ZZZ3: variants seen among roughly 807,000 people sequenced by gnomAD.
The protein encoded by ZZZ3 is ZZ-type zinc finger-containing protein 3.
Under a neutral mutation model 95.2 loss-of-function variants are expected in ZZZ3, and 22 were observed. The ratio of observed to expected loss-of-function variants is 0.23; its 90% CI spans 0.17 to 0.33. The LOEUF (loss-of-function observed/expected upper bound fraction) is 0.33, where lower values mean the gene tolerates loss of function less well. Ranked by LOEUF, ZZZ3 falls within the 10% of genes least tolerant of loss-of-function variation. ZZZ3 has a pLI of 1.00. For missense variants in ZZZ3, 885 were observed against 1,066.5 expected (o/e 0.83, Z 2.37); for synonymous variants, 335 against 358.9 (o/e 0.93, Z 0.75).
chr1:77,576,330 C>G, intron 11 of ZZZ3, 110 bp from the exon 12 acceptor site: 1 of 906,980 alleles, frequency 1.1e-6, no homozygotes, highest in Non-Finnish European at 1.6e-6. Context: ...GAATTTCACT[C>G]TATCCTTTAG....
At chr1:77,570,811 A>G (rs921137970) in intron 12 of ZZZ3, among the ~76,000 whole-genome samples, 3 of 146,198 alleles carry the variant, frequency 2.1e-5, no homozygotes, top group Non-Finnish European at 4.5e-5. Flanking sequence ...ACAGGCGCAC[A>G]CCACCAAGCC....
intron 14 of ZZZ3, 67 bp downstream of exon 14, chr1:77,566,014 A>C: frequency 1.5e-6 from 2 of 1,327,662 alleles, no homozygotes; most frequent in Admixed American, 4.6e-5. Context: ...TGGAAATCAA[A>C]TTCACTAATG....
chr1:77,658,123 G>A (rs1670440647), intron 1 of ZZZ3, among the ~76,000 whole-genome samples: 1 of 146,758 alleles, frequency 6.8e-6, no homozygotes, highest in Admixed American at 7.0e-5. Context: ...AGGTTGCGGC[G>A]AGCTGAGATT....
At chr1:77,653,506 C>G (rs1168144603) in intron 1 of ZZZ3, among the ~76,000 whole-genome samples, 1 of 152,146 alleles carries the variant, frequency 6.6e-6, no homozygotes, top group African/African-American at 2.4e-5. Flanking sequence ...GTAATCCCAA[C>G]ACTTTGTGAG....
chr1:77,612,358 C>T (rs1312835983), intron 5 of ZZZ3, among the ~76,000 whole-genome samples: 2 of 151,940 alleles, frequency 1.3e-5, no homozygotes, highest in African/African-American at 2.4e-5. Flanking sequence ...TAGATTGATA[C>T]AACCATTATA....
At chr1:77,593,786 T>C (rs765755805) in intron 5 of ZZZ3, among the ~76,000 whole-genome samples, 9 of 152,172 alleles carry the variant, frequency 5.9e-5, no homozygotes, top group Non-Finnish European at 1.3e-4. Context: ...AAGAAAATGT[T>C]ACAAAGAGAT....
chr1:77,628,830 A>G (rs1360175139), intron 5 of ZZZ3, among the ~76,000 whole-genome samples: 1 of 152,198 alleles, frequency 6.6e-6, no homozygotes, highest in Non-Finnish European at 1.5e-5. Flanking sequence ...CCCTACTGGT[A>G]GAGATATTCA....
chr1:77,677,605 A>C (rs1266528800), intron 1 of ZZZ3, among the ~76,000 whole-genome samples: 2 of 152,212 alleles, frequency 1.3e-5, no homozygotes, highest in African/African-American at 4.8e-5. Context: ...AATGTACCTA[A>C]AAAATCAATT....
intron 5 of ZZZ3, among the ~76,000 whole-genome samples, chr1:77,592,379 T>C (rs1228246590): frequency 1.3e-5 from 2 of 152,242 alleles, no homozygotes; most frequent in African/African-American, 4.8e-5. Flanking sequence ...CTCAGCTCAC[T>C]GCAACCTCCG....
intron 1 of ZZZ3, among the ~76,000 whole-genome samples, chr1:77,672,927 A>C (rs567110630): frequency 4.8e-4 from 73 of 152,324 alleles, no homozygotes; most frequent in Non-Finnish European, 1.0e-3. Flanking sequence ...CAGATTAAAA[A>C]ACAAGTGATT....
At chr1:77,682,491 G>A (rs74090687) in intron 1 of ZZZ3, 94 bp downstream of exon 1, 98 of 152,508 alleles carry the variant, frequency 6.4e-4, no homozygotes, top group African/African-American at 2.1e-3. Context: ...CCTCAATGGG[G>A]TTACTGTATT....
chr1:77,676,310 G>A (rs1672263487), intron 1 of ZZZ3, among the ~76,000 whole-genome samples: 1 of 152,142 alleles, frequency 6.6e-6, no homozygotes, highest in Non-Finnish European at 1.5e-5. Flanking sequence ...GAAAGTACAG[G>A]CGCACGCCAC....
chr1:77,585,709 A>G (rs1167223911), intron 5 of ZZZ3, among the ~76,000 whole-genome samples: 2 of 152,190 alleles, frequency 1.3e-5, no homozygotes, highest in African/African-American at 2.4e-5. Flanking sequence ...CCCAGCACAT[A>G]GATGTTCAAT....
chr1:77,633,166 A>G lies in ZZZ3; in HGVS notation c.189T>C (p.Asn63=), dbSNP rs545859761. ...RPEPVPIQKG[N]NNGRTTDLKQ... ...TTAAATCAGTGGTTCTCCCATTATT[A>G]TTTCCTTTCTGAATTGGCACAGGCT... Residue 63 remains asparagine, a synonymous_variant, in exon 5 of 15, where the codon AAT becomes AAC. Transcript: ENST00000370801. 1.9e-6 allele frequency: 3 copies of G among 1,613,910 alleles called. No individual in the cohort carries two copies. In the Admixed American group the frequency reaches 5.0e-5, roughly 27 times the overall value.
intron 1 of ZZZ3, among the ~76,000 whole-genome samples, chr1:77,651,406 C>A (rs1669797542): frequency 6.6e-6 from 1 of 152,108 alleles, no homozygotes. Context: ...ACTAACAAAT[C>A]TTTGTGCAAA....
chr1:77,625,075 AG>A (rs943159413), intron 5 of ZZZ3, among the ~76,000 whole-genome samples: 8 of 152,296 alleles, frequency 5.3e-5, no homozygotes, highest in African/African-American at 1.9e-4. Context: ...GAAGGAAAAA[AG>A]TTGGGTTTTC....
At chr1:77,667,422 T>TA (rs1204814004) in intron 1 of ZZZ3, among the ~76,000 whole-genome samples, 1 of 152,178 alleles carries the variant, frequency 6.6e-6, no homozygotes, top group Non-Finnish European at 1.5e-5. Flanking sequence ...CTCCTACACT[T>TA]AAAAGTAAAA....
chr1:77,652,082 C>A (rs76040536), intron 1 of ZZZ3, among the ~76,000 whole-genome samples: 7,816 of 147,774 alleles, frequency 0.053, 296 homozygotes, highest in African/African-American at 0.11. Flanking sequence ...ACAATTAAAA[C>A]ATAAAAATTC....
chr1:77,589,474 C>G (rs1284000636), intron 5 of ZZZ3, among the ~76,000 whole-genome samples: 1 of 151,596 alleles, frequency 6.6e-6, no homozygotes, highest in Admixed American at 6.6e-5. Context: ...GAGTCTCACG[C>G]TCACCCAGGT....
Sources: allele counts gnomAD v4.1 joint callset (sites outside exome capture counted in the v4.1 genomes callset), GRCh38; gene constraint gnomAD v4.1.1; transcripts MANE v1.5; gene names NCBI Gene and HGNC (gene_info 2026-07-23, HGNC 2026-07-21).